CBR4: variants seen among roughly 807,000 people sequenced by gnomAD.
The protein encoded by CBR4 is carbonyl reductase 4.
In CBR4, 22 loss-of-function variants were observed where a neutral mutation model predicts 21.0. The ratio of observed to expected loss-of-function variants is 1.05; its 90% CI spans 0.75 to 1.50. CBR4 has a LOEUF of 1.50. CBR4 is among the 40% of genes most tolerant of loss of function. The pLI, the probability that CBR4 is intolerant of heterozygous loss-of-function variation, is 0.00. For synonymous variants in CBR4, 100 were observed against 104.4 expected (o/e 0.96, Z 0.26); for missense variants, 302 against 286.3 (o/e 1.05, Z -0.40).
chr4:168,990,318 G>T lies in CBR4; in HGVS notation c.546C>A (p.His182Gln), dbSNP rs749485810. ...RVNVVAPGFV[H>Q]TDMTKDLKEE... ...CTTTCAAGTCTTTCGTCATATCTGT[G>T]TGTACAAATCCTAAAAGAGAAATGT... Residue 182 changes from histidine to glutamine, a missense_variant, in exon 5 of 5, where the codon CAC becomes CAA. His to Gln is a conservative substitution (Grantham distance 24, BLOSUM62 0). Coordinates refer to ENST00000306193, the MANE Select transcript of CBR4 (RefSeq NM_032783.5). 4 of 1,605,150 alleles carry T rather than the reference G, an allele frequency of 2.5e-6. No individual in the cohort carries two copies. In the East Asian group the frequency reaches 9.0e-5, roughly 36 times the overall value.
At chr4:168,926,956 A>C in intron 2 of CBR4, 1 of 219,752 alleles carries the variant, frequency 4.6e-6, no homozygotes. Flanking sequence ...TTAAATGTTA[A>C]TATCAAAAGA....
chr4:168,905,151 T>G lies in CBR4; in HGVS notation n.170-10386A>C, dbSNP rs1457719353. On this transcript the variant is annotated intron_variant and non_coding_transcript_variant, in intron 2 of 3. Transcript: ENST00000509108. ...TTTGTTTTGTTGGTTTTTTTTTTTT[T>G]TTTTTTTTTTTTTTTTTGAGATGGA... 7.1e-4 allele frequency among the ~76,000 whole-genome samples: 95 copies of G among 133,204 alleles called. 4 individuals are homozygous for G. The East Asian group carries it at 0.01, about 14-fold the overall frequency. The allele number at this position is 133,204 out of a possible 152,430, so 87.4% of individuals were successfully genotyped here.
intron 2 of CBR4, among the ~76,000 whole-genome samples, chr4:168,962,669 A>T (rs1763895612): frequency 6.6e-5 from 10 of 152,194 alleles, no homozygotes; most frequent in Admixed American, 6.5e-4. Context: ...TCCAAACTAT[A>T]AAAAAAGCTA....
intron 2 of CBR4, chr4:168,921,842 T>C: frequency 2.1e-6 from 2 of 938,296 alleles, no homozygotes; most frequent in Non-Finnish European, 1.7e-6. Context: ...AATAAAGTAT[T>C]GAAAAAATAG....
chr4:169,009,749 G>A (rs767357896), intron 1 of CBR4, among the ~76,000 whole-genome samples, 199 bp downstream of exon 1: 2 of 152,354 alleles, frequency 1.3e-5, no homozygotes, highest in Non-Finnish European at 2.9e-5. Context: ...CTGCGTGGCC[G>A]GCATTCTGCG....
intron 2 of CBR4, among the ~76,000 whole-genome samples, chr4:168,960,096 T>G (rs1392101511): frequency 6.6e-6 from 1 of 152,224 alleles, no homozygotes; most frequent in African/African-American, 2.4e-5. Context: ...TGTTATGGTT[T>G]TTAATGCTAC....
At chr4:168,931,772 C>T (rs1483477847) in intron 2 of CBR4, among the ~76,000 whole-genome samples, 2 of 152,186 alleles carry the variant, frequency 1.3e-5, no homozygotes, top group East Asian at 1.9e-4. Context: ...AGCAAAGCTG[C>T]ACCACCACTG....
intron 2 of CBR4, chr4:168,914,094 C>A: frequency 1.1e-6 from 1 of 912,274 alleles, no homozygotes; most frequent in Non-Finnish European, 1.8e-6. Flanking sequence ...CTATTAGAAT[C>A]ATCATATGAC....
At chr4:168,933,440 G>C (rs1053470067) in intron 2 of CBR4, among the ~76,000 whole-genome samples, 2 of 152,028 alleles carry the variant, frequency 1.3e-5, no homozygotes, top group Non-Finnish European at 2.9e-5. Flanking sequence ...AATAATAAAG[G>C]TATCAATTCA....
At chr4:168,928,113 T>C (rs763599919) in intron 2 of CBR4, 1 of 194,306 alleles carries the variant, frequency 5.1e-6, no homozygotes, top group Non-Finnish European at 1.1e-5. Flanking sequence ...GCAGATGTTC[T>C]ATGCAGTGTG....
At chr4:168,921,197 G>A (rs1761414277) in intron 2 of CBR4, among the ~76,000 whole-genome samples, 1 of 152,022 alleles carries the variant, frequency 6.6e-6, no homozygotes. Flanking sequence ...CCTGAGGTCA[G>A]GAGTTCAAGA....
intron 2 of CBR4, among the ~76,000 whole-genome samples, chr4:168,982,211 G>A (rs1187165129): frequency 6.6e-6 from 1 of 152,134 alleles, no homozygotes; most frequent in Non-Finnish European, 1.5e-5. Flanking sequence ...TCAAAGTTAA[G>A]GGATGGAAGA....
Position 168,990,154 on chromosome 4 carries a change from A to G in CBR4, c.710T>C (p.Leu237Ser). 6.3e-7 allele frequency: 1 copy of G among 1,594,074 alleles called. No homozygotes were observed. Among genetic ancestry groups the G allele is most frequent in the Non-Finnish European group, 8.5e-7 (1 of 1,170,900 alleles). The change falls in exon 5 of 5, where the codon TTG (leucine) becomes TCG (serine). Residue 237 changes from leucine (L) to serine (S), a missense_variant. Coordinates refer to ENST00000306193, the MANE Select transcript of CBR4 (RefSeq NM_032783.5). ...TATAACTGAATAATCTGCAAATTACAAAATGAGTTGTAATCCCCCATCCAC... is the reference window on the plus strand; with the variant it reads ...TATAACTGAATAATCTGCAAATTACGAAATGAGTTGTAATCCCCCATCCAC... ...LVVDGGLQLI[L>S]
intron 2 of CBR4, among the ~76,000 whole-genome samples, chr4:168,979,569 C>T (rs11732949): frequency 0.67 from 102,500 of 152,042 alleles, 36,514 homozygotes; most frequent in East Asian, 0.96. Context: ...TTCAGCGGTA[C>T]GGCCCTAGCT....
chr4:169,005,203 G>C (rs925321397), intron 3 of CBR4: 4 of 151,906 alleles, frequency 2.6e-5, no homozygotes, highest in Non-Finnish European at 5.9e-5. Context: ...AAAATACAGA[G>C]ACACAAAAAA....
intron 2 of CBR4, among the ~76,000 whole-genome samples, chr4:168,936,951 C>T (rs772704735): frequency 7.9e-5 from 12 of 152,036 alleles, no homozygotes; most frequent in Non-Finnish European, 1.5e-4. Context: ...AGATACTCCT[C>T]GAGAAGAGCA....
chr4:168,927,907 G>C, intron 2 of CBR4: 1 of 202,660 alleles, frequency 4.9e-6, no homozygotes, highest in East Asian at 7.7e-5. Flanking sequence ...CAAAACACAT[G>C]TATCTTTCAT....
chr4:168,936,693 A>C (rs1451420956), intron 2 of CBR4, among the ~76,000 whole-genome samples: 1 of 152,170 alleles, frequency 6.6e-6, no homozygotes, highest in African/African-American at 2.4e-5. Flanking sequence ...CAGAGATTGA[A>C]GATCAACTTA....
downstream of CBR4, among the ~76,000 whole-genome samples, chr4:168,986,100 A>G (rs982831533): frequency 4.0e-5 from 6 of 151,682 alleles, no homozygotes; most frequent in South Asian, 2.1e-4. Flanking sequence ...CCGGGGGGGG[A>G]ACAATAAAAA....
Sources: gnomAD v4.1 joint callset for allele counts (sites outside exome capture counted in the v4.1 genomes callset) on GRCh38, gnomAD v4.1.1 for gene constraint, MANE v1.5 for transcripts, NCBI Gene and HGNC (gene_info 2026-07-23, HGNC 2026-07-21) for gene names.